DIAPH1: variants seen among roughly 807,000 people sequenced by gnomAD.
DIAPH1 encodes the protein diaphanous related formin 1.
In DIAPH1, 46 loss-of-function variants were observed where a neutral mutation model predicts 140.7. That is an observed-to-expected ratio of 0.33 (90% CI 0.26 to 0.42). DIAPH1 has a LOEUF of 0.42. Ranked by LOEUF, DIAPH1 falls within the 10% of genes least tolerant of loss-of-function variation. The probability of loss-of-function intolerance (pLI) is 1.00; values close to 1 mark genes in which losing one functional copy is unlikely to be tolerated. For synonymous variants in DIAPH1, 565 were observed against 551.6 expected (o/e 1.02, Z -0.34); for missense variants, 1,310 against 1,558.7 (o/e 0.84, Z 2.69).
chr5:141,589,505 G>C (rs1054587803), intron 1 of DIAPH1, among the ~76,000 whole-genome samples: 1 of 152,082 alleles, frequency 6.6e-6, no homozygotes, highest in Non-Finnish European at 1.5e-5. Context: ...TGAACTTACA[G>C]CTATTCATAA....
intron 27 of DIAPH1, among the ~76,000 whole-genome samples, chr5:141,522,864 T>C (rs1173337321): frequency 6.6e-6 from 1 of 152,160 alleles, no homozygotes; most frequent in Admixed American, 6.5e-5. Flanking sequence ...GGTAAGAACT[T>C]TGACTCGGGA....
intron 18 of DIAPH1, among the ~76,000 whole-genome samples, chr5:141,559,970 A>G (rs571510016): frequency 6.6e-6 from 1 of 152,226 alleles, no homozygotes; most frequent in Admixed American, 6.5e-5. Flanking sequence ...CTCGTGACCA[A>G]TTCTGTTTCA....
chr5:141,612,287 A>G (rs1473602444), intron 1 of DIAPH1, among the ~76,000 whole-genome samples: 1 of 152,240 alleles, frequency 6.6e-6, no homozygotes, highest in Non-Finnish European at 1.5e-5. Flanking sequence ...CAAATGACCC[A>G]GTCATTCCAC....
At chr5:141,560,808 G>A in intron 18 of DIAPH1, 4 of 456,172 alleles carry the variant, frequency 8.8e-6, no homozygotes, top group Non-Finnish European at 1.8e-5. Context: ...GCAGAACAAA[G>A]AGAACAGATG....
chr5:141,516,647 C>G lies in DIAPH1; in HGVS notation c.*204G>C, dbSNP rs1199517594. ...GCTGGCTAAGTCGGGCTCAGGCCTC[C>G]CCTGCACTGCCCTTTCCTTCTGGCC... On this transcript the variant is annotated 3_prime_UTR_variant, in exon 28 of 28. Transcript: ENST00000389054. 4.6e-6 allele frequency: 3 copies of G among 647,474 alleles called. No homozygotes were observed. In the African/African-American group the frequency reaches 5.4e-5, roughly 12 times the overall value. The allele number at this position is 647,474 out of a possible 1,614,324, so 40.1% of individuals were successfully genotyped here. A position where few individuals can be genotyped will look rare whatever the true frequency, so the allele number is the denominator to read the frequency against.
At chr5:141,533,764 A>G (rs1596343390) in intron 19 of DIAPH1, among the ~76,000 whole-genome samples, 1 of 152,280 alleles carries the variant, frequency 6.6e-6, no homozygotes, top group Admixed American at 6.5e-5. Context: ...TGTGAACGCA[A>G]TGGACATAGT....
At chr5:141,599,801 T>C (rs1181199078) in intron 1 of DIAPH1, among the ~76,000 whole-genome samples, 2 of 152,258 alleles carry the variant, frequency 1.3e-5, no homozygotes, top group African/African-American at 4.8e-5. Context: ...ACACCCTGTA[T>C]AATCATCAGG....
intron 1 of DIAPH1, among the ~76,000 whole-genome samples, chr5:141,613,935 G>A (rs186097505): frequency 5.9e-5 from 9 of 152,272 alleles, no homozygotes; most frequent in African/African-American, 2.2e-4. Context: ...CAGCCCCCAC[G>A]TAAGTAGGAA....
chr5:141,524,093 G>C (rs747352605), intron 27 of DIAPH1, 50 bp downstream of exon 27: 4 of 1,510,654 alleles, frequency 2.6e-6, no homozygotes, highest in Non-Finnish European at 3.7e-6. Flanking sequence ...CAGGAGTAGA[G>C]AGCCCTCACC....
At chr5:141,615,180 A>G (rs983364337) in intron 1 of DIAPH1, among the ~76,000 whole-genome samples, 3 of 152,324 alleles carry the variant, frequency 2.0e-5, no homozygotes, top group Non-Finnish European at 4.4e-5. Flanking sequence ...TCACGCCTGT[A>G]ATCCCAGCAC....
rs148217001 is a variant in DIAPH1 at position 141,598,475 on chromosome 5, A to G, written c.118-10225T>C. 3.8e-3 allele frequency among the ~76,000 whole-genome samples: 581 copies of G among 152,330 alleles called. 5 individuals carry two copies. Among genetic ancestry groups the G allele is most frequent in the Admixed American group, 0.011 (166 of 15,298 alleles). On this transcript the variant is annotated intron_variant, in intron 1 of 27. Transcript: ENST00000389054. Reference sequence around the variant, plus strand: ...TGCTCAAAGGTACAGTACATCAAAAATAACAGCATCAAATATAAATATATT... The same window carrying G: ...TGCTCAAAGGTACAGTACATCAAAAGTAACAGCATCAAATATAAATATATT...
Position 141,565,691 on chromosome 5 carries a change from T to C in DIAPH1, c.2482+5737A>G, listed in dbSNP as rs1484247664. ...GGCTGTTGAGGAGGAAAAAAAGGTGTGAAATAACCTTTAGGAGAGCAGGAA... is the reference window on the plus strand; with the variant it reads ...GGCTGTTGAGGAGGAAAAAAAGGTGCGAAATAACCTTTAGGAGAGCAGGAA... On this transcript the variant is annotated intron_variant, in intron 18 of 27. Coordinates refer to ENST00000389054, the MANE Select transcript of DIAPH1 (RefSeq NM_005219.5). The surrounding 1 kb of genome is among the most constrained non-coding windows in gnomAD (Gnocchi z 4.3). 5.9e-5 allele frequency among the ~76,000 whole-genome samples: 9 copies of C among 152,118 alleles called. No homozygotes were observed. The highest frequency in any genetic ancestry group is 5.9e-4 in the Admixed American group (9 of 15,268).
Position 141,573,843 on chromosome 5 carries a change from C to A in DIAPH1, c.2007G>T (p.Leu669Phe), listed in dbSNP as rs1284785470. Residue 669 changes from leucine (L) to phenylalanine (F), a missense_variant, in exon 16 of 28, where the codon TTG becomes TTT. Physicochemically the swap from Leu to Phe is conservative, Grantham distance 22. Transcript: ENST00000389054. ...EGVGIPSPSS[L>F]PGGTAIPPPP... The stretch of plus-strand genomic sequence containing the variant: ...GTGGGGGGATGGCAGTACCTCCAGG[C>A]AAAGAAGAGGGTGAAGGGATGCCAA... The A allele has an allele frequency of 1.3e-6, 2 of 1,513,304 alleles. No homozygotes were observed. Among genetic ancestry groups the A allele is most frequent in the East Asian group, 4.8e-5 (2 of 41,366 alleles). The allele number at this position is 1,513,304 out of a possible 1,614,324, so 93.7% of individuals were successfully genotyped here. A position where few individuals can be genotyped will look rare whatever the true frequency, so the allele number is the denominator to read the frequency against.
intron 18 of DIAPH1, among the ~76,000 whole-genome samples, chr5:141,569,885 C>A (rs1183683055): frequency 1.3e-5 from 2 of 152,150 alleles, no homozygotes; most frequent in Non-Finnish European, 2.9e-5. Flanking sequence ...CTGAGGAGAT[C>A]TGGGTCTTCT....
intron 18 of DIAPH1, among the ~76,000 whole-genome samples, chr5:141,548,443 T>C (rs1215401755): frequency 1.3e-5 from 2 of 152,074 alleles, no homozygotes; most frequent in Non-Finnish European, 2.9e-5. Context: ...TACAAAAATG[T>C]AGACAGGAAG....
chr5:141,530,408 C>T (rs939992583), intron 19 of DIAPH1, among the ~76,000 whole-genome samples: 1 of 152,148 alleles, frequency 6.6e-6, no homozygotes, highest in Non-Finnish European at 1.5e-5. Context: ...CTACTATTAC[C>T]TTTCTTTTGC....
At chr5:141,593,316 TG>T (rs1596398343) in intron 1 of DIAPH1, among the ~76,000 whole-genome samples, 1 of 152,162 alleles carries the variant, frequency 6.6e-6, no homozygotes, top group African/African-American at 2.4e-5. Flanking sequence ...AGCAGAGGTC[TG>T]GAAGTTTGTT....
chr5:141,598,066 A>C (rs569247013), intron 1 of DIAPH1, among the ~76,000 whole-genome samples: 1 of 152,204 alleles, frequency 6.6e-6, no homozygotes, highest in African/African-American at 2.4e-5. Flanking sequence ...ATGTCCTTAA[A>C]ATCTAGGTGC....
intron 27 of DIAPH1, among the ~76,000 whole-genome samples, chr5:141,519,664 G>A (rs1187764479): frequency 6.6e-6 from 1 of 152,200 alleles, no homozygotes; most frequent in Non-Finnish European, 1.5e-5. Context: ...TAGGTAGGGA[G>A]AAGATCAAAA....
Sources: allele counts gnomAD v4.1 joint callset (sites outside exome capture counted in the v4.1 genomes callset), GRCh38; gene constraint gnomAD v4.1.1; non-coding constraint Gnocchi (gnomAD v3.1); transcripts MANE v1.5; gene names NCBI Gene and HGNC (gene_info 2026-07-23, HGNC 2026-07-21).